The following TAB3 variants were observed in gnomAD, a reference collection of about 807,000 sequenced individuals.
TAB3 encodes the protein TGF-beta activated kinase 1 (MAP3K7) binding protein 3.
TAB3 carries 18 observed loss-of-function variants against 48.1 expected under a neutral mutation model. The observed-to-expected ratio is 0.37, with a 90% CI of 0.26 to 0.55. The LOEUF (loss-of-function observed/expected upper bound fraction) is 0.55. Among genes scored for constraint, TAB3 ranks in the 20% least tolerant of loss-of-function variants. TAB3 has a pLI of 0.78. For missense variants in TAB3, 414 were observed against 549.8 expected (o/e 0.75, Z 2.47); for synonymous variants, 185 against 190.2 (o/e 0.97, Z 0.22).
Position 30,855,136 on chromosome X carries a change from G to A in TAB3, c.529C>T (p.Pro177Ser). Residue 177 changes from proline (P) to serine (S), a missense_variant, in exon 6 of 11, where the codon CCA (proline) becomes TCA (serine). Transcript: ENST00000288422. Reference protein sequence around the residue: ...MNPSAMQGPSPPPPPPSYMHI... With the variant: ...MNPSAMQGPSSPPPPPSYMHI... ...ATGTATGAAGGAGGTGGCGGTGGTG[G>A]TGAAGGCCCTTGCATAGCAGACGGA... 1.7e-6 allele frequency: 2 copies of A among 1,211,737 alleles called. No individual in the cohort carries two copies. The highest frequency in any genetic ancestry group is 2.2e-6 in the Non-Finnish European group (2 of 895,403).
At chrX:30,888,807 G>A (rs1940208220) in intron 1 of TAB3, among the ~76,000 whole-genome samples, 1 of 112,723 alleles carries the variant, frequency 8.9e-6, no homozygotes, top group Admixed American at 9.2e-5. Flanking sequence ...GGTCCGGCGA[G>A]GAAGGGCATC....
chrX:30,828,335 G>A lies in TAB3; in HGVS notation c.*3092C>T, dbSNP rs1258584310. 1 of 113,742 alleles carries A rather than the reference G, an allele frequency of 8.8e-6. No homozygotes were observed. Among genetic ancestry groups the A allele is most frequent in the Non-Finnish European group, 1.9e-5 (1 of 53,245 alleles). The allele number at this position is 113,742 out of a possible 1,213,427, so 9.4% of individuals were successfully genotyped here. On this transcript the variant is annotated 3_prime_UTR_variant, in exon 11 of 11. Coordinates refer to ENST00000288422, the MANE Select transcript of TAB3 (RefSeq NM_152787.5). ...TTAAAAAGTACTAAAATTGAGACCA[G>A]CTCCTTAAAAATTAAACTGCTTATC...
At chrX:30,831,752 G>C (rs1938038518) in intron 10 of TAB3, among the ~76,000 whole-genome samples, 177 bp from the exon 11 acceptor site, 1 of 112,135 alleles carries the variant, frequency 8.9e-6, no homozygotes, top group African/African-American at 3.2e-5. Context: ...ACAGAAAGTT[G>C]ATCTTTTACT....
In TAB3 at chrX:30,831,369, C is replaced by T. The variant is rs1938028225; in HGVS notation, c.*58G>A. 8.7e-7 allele frequency: 1 copy of T among 1,149,816 alleles called. No individual in the cohort carries two copies. The highest frequency in any genetic ancestry group is 2.5e-5 in the Admixed American group (1 of 40,767). The allele number at this position is 1,149,816 out of a possible 1,213,427, so 94.8% of individuals were successfully genotyped here. ...TGGATGAATAGAGTCCCGAGGTTTCCTTTTCTTCTGGTAGTGCTCAAAGTT... is the reference window on the plus strand; with the variant it reads ...TGGATGAATAGAGTCCCGAGGTTTCTTTTTCTTCTGGTAGTGCTCAAAGTT... On this transcript the variant is annotated 3_prime_UTR_variant, in exon 11 of 11. Coordinates refer to ENST00000288422, the MANE Select transcript of TAB3 (RefSeq NM_152787.5).
intron 1 of TAB3, among the ~76,000 whole-genome samples, chrX:30,882,629 A>C (rs1441622938): frequency 8.9e-6 from 1 of 111,946 alleles, no homozygotes; most frequent in Non-Finnish European, 1.9e-5. Flanking sequence ...CTTAAAACTA[A>C]AACAGAAAAT....
At chrX:30,878,454 C>T (rs1460252457) in intron 1 of TAB3, among the ~76,000 whole-genome samples, 5 of 102,285 alleles carry the variant, frequency 4.9e-5, no homozygotes, top group South Asian at 4.5e-4. Flanking sequence ...GAGCTGAGAT[C>T]GCACCACTGC....
At chrX:30,836,196 G>A (rs2147326767) in intron 9 of TAB3, 1 of 111,429 alleles carries the variant, frequency 9.0e-6, no homozygotes, top group South Asian at 3.7e-4. Flanking sequence ...GATAAAAAAC[G>A]GGTTAAAGAC....
chrX:30,859,115 C>A (rs1939167722), intron 5 of TAB3, among the ~76,000 whole-genome samples: 1 of 111,305 alleles, frequency 9.0e-6, no homozygotes, highest in Non-Finnish European at 1.9e-5. Flanking sequence ...TTGCTACATG[C>A]TTTTATTTTC....
chrX:30,856,215 T>A (rs1939067742), intron 5 of TAB3, among the ~76,000 whole-genome samples: 1 of 112,128 alleles, frequency 8.9e-6, no homozygotes, highest in African/African-American at 3.2e-5. Context: ...TACGGCTCCA[T>A]GACTTTGCCC....
In TAB3 at chrX:30,868,406, T is replaced by TTA. The variant is rs1461124002; in HGVS notation, c.-279-859_-279-858dup. On this transcript the variant is annotated intron_variant, in intron 2 of 10. Transcript: ENST00000288422. ...TATAGCTTATATATATATATATAGC[T>TTA]TATATATATATAGCTTATATATATA... 5.8e-4 allele frequency among the ~76,000 whole-genome samples: 15 copies of TTA among 25,730 alleles called. 2 individuals are homozygous for TTA. Among genetic ancestry groups the TTA allele is most frequent in the African/African-American group, 2.9e-3 (13 of 4,424 alleles). The allele number at this position is 25,730 out of a possible 115,157, so 22.3% of individuals were successfully genotyped here.
At chrX:30,853,970 C>T (rs899544064) in intron 6 of TAB3, 146 bp downstream of exon 6, 4 of 719,250 alleles carry the variant, frequency 5.6e-6, no homozygotes, top group African/African-American at 2.2e-5. Flanking sequence ...CCACCGCACC[C>T]GGCCACTAAC....
intron 10 of TAB3, 99 bp downstream of exon 10, chrX:30,833,952 T>C: frequency 5.0e-6 from 4 of 800,779 alleles, no homozygotes; most frequent in Non-Finnish European, 7.2e-6. Context: ...GTAATGTTTT[T>C]AAAGCAAAAA....
rs375980559 is a variant in TAB3, at chrX:30,855,703, T to C, written c.103-141A>G. On this transcript the variant is annotated intron_variant, in intron 5 of 10. Coordinates refer to ENST00000288422, the MANE Select transcript of TAB3 (RefSeq NM_152787.5). ...AGTATTTTAACCACAAAAAACTTCA[T>C]GGTCATCTATCCTGAAAAGGAGACC... 296 of 567,111 alleles carry C rather than the reference T, an allele frequency of 5.2e-4. 2 individuals are homozygous for C. The South Asian group carries it at 0.01, about 20-fold the overall frequency. The allele number at this position is 567,111 out of a possible 1,213,427, so 46.7% of individuals were successfully genotyped here.
chrX:30,878,327 C>A (rs1192693123), intron 1 of TAB3, among the ~76,000 whole-genome samples: 2 of 109,915 alleles, frequency 1.8e-5, no homozygotes, highest in Non-Finnish European at 3.8e-5. Context: ...CCCGTCTCTA[C>A]TAAAAATACA....
At chrX:30,866,687 G>T (rs747826758) in intron 4 of TAB3, among the ~76,000 whole-genome samples, 16 of 108,674 alleles carry the variant, frequency 1.5e-4, no homozygotes, top group Admixed American at 9.9e-4. Context: ...CTGAGATAAA[G>T]AAATGACTGA....
chrX:30,877,368 G>A (rs918731138), intron 1 of TAB3, among the ~76,000 whole-genome samples: 1 of 112,349 alleles, frequency 8.9e-6, no homozygotes. Flanking sequence ...CACAGATAGA[G>A]AAAGGAATGA....
intron 7 of TAB3, among the ~76,000 whole-genome samples, chrX:30,848,100 G>A (rs1479892775): frequency 8.9e-6 from 1 of 112,084 alleles, no homozygotes; most frequent in Non-Finnish European, 1.9e-5. Context: ...AGAACCTGTC[G>A]GGAAAGTCAA....
rs1937950976 is a variant in TAB3, at chrX:30,828,727, C to G, written c.*2700G>C. 8.9e-6 allele frequency: 1 copy of G among 111,872 alleles called. No homozygotes were observed. The highest frequency in any genetic ancestry group is 3.3e-5 in the African/African-American group (1 of 30,760). 9.2% of individuals were successfully genotyped at this position (111,872 alleles called of 1,213,427 possible). A position where few individuals can be genotyped will look rare whatever the true frequency, so the allele number is the denominator to read the frequency against. On this transcript the variant is annotated 3_prime_UTR_variant, in exon 11 of 11. Coordinates refer to ENST00000288422, the MANE Select transcript of TAB3 (RefSeq NM_152787.5). ...CATCAAACTAGTCATTTTAAAGAAA[C>G]CTCTTACAAGAAACAAGAAGTGCAC...
At chrX:30,876,099 A>C (rs1939823414) in intron 1 of TAB3, among the ~76,000 whole-genome samples, 1 of 112,048 alleles carries the variant, frequency 8.9e-6, no homozygotes, top group South Asian at 3.7e-4. Flanking sequence ...CTTAGAAATA[A>C]GGGTGAATCG....
Sources: gnomAD v4.1 joint callset for allele counts (sites outside exome capture counted in the v4.1 genomes callset) on GRCh38, gnomAD v4.1.1 for gene constraint, MANE v1.5 for transcripts, NCBI Gene and HGNC (gene_info 2026-07-23, HGNC 2026-07-21) for gene names.